The following DOCK8 variants were observed in gnomAD, a reference collection of about 807,000 sequenced individuals.
DOCK8 encodes the protein dedicator of cytokinesis 8.
Under a neutral mutation model 245.6 loss-of-function variants are expected in DOCK8, and 141 were observed. That is an observed-to-expected ratio of 0.57 (90% CI 0.50 to 0.66). DOCK8 has a LOEUF of 0.66. Among genes scored for constraint, DOCK8 ranks in the 30% least tolerant of loss-of-function variants. DOCK8 has a pLI of 0.00. For synonymous variants in DOCK8, 1,168 were observed against 970.2 expected (o/e 1.20, Z -3.79); for missense variants, 2,965 against 2,603.4 (o/e 1.14, Z -3.02).
At chr9:220,653 A>G in intron 1 of DOCK8, 1 of 337,210 alleles carries the variant, frequency 3.0e-6, no homozygotes, top group Non-Finnish European at 5.7e-6. Flanking sequence ...GGCCTATTTG[A>G]TAAAGGGTTA....
intron 14 of DOCK8, 51 bp downstream of exon 14, chr9:340,372 T>C (rs767094098): frequency 3.7e-5 from 60 of 1,608,950 alleles, no homozygotes; most frequent in Non-Finnish European, 5.0e-5. Flanking sequence ...CATAATCCCA[T>C]AACTTTGGGA....
At chr9:339,928 A>G (rs887432138) in intron 13 of DOCK8, among the ~76,000 whole-genome samples, 2 of 152,172 alleles carry the variant, frequency 1.3e-5, no homozygotes, top group Admixed American at 6.5e-5. Context: ...CCTCTAATCC[A>G]TTCCTTCTCA....
intron 14 of DOCK8, among the ~76,000 whole-genome samples, chr9:354,736 G>T (rs530213471): frequency 1.9e-4 from 29 of 152,272 alleles, no homozygotes; most frequent in African/African-American, 7.0e-4. Context: ...TAAGCCAGAG[G>T]CTTCCTTAAG....
rs2056254710 is a variant in DOCK8 at position 421,039 on chromosome 9, G to C, written c.4114G>C (p.Glu1372Gln). 1 of 1,614,226 alleles carries C rather than the reference G, an allele frequency of 6.2e-7. No homozygotes were observed. The highest frequency in any genetic ancestry group is 8.5e-7 in the Non-Finnish European group (1 of 1,180,034). Residue 1372 changes from glutamate to glutamine, a missense_variant, in exon 32 of 48, where the codon GAA becomes CAA. By Grantham distance (29) the Glu-to-Gln change is conservative (BLOSUM62 2). Coordinates refer to ENST00000432829, the MANE Select transcript of DOCK8 (RefSeq NM_203447.4). ...ARLEEALLRGEGARGEMMRRR... is the reference protein window; with the variant it reads ...ARLEEALLRGQGARGEMMRRR... ...GCTGGAAGAGGCTTTGCTCCGTGGGGAAGGGGCCAGAGGGGAGATGATGCG... is the reference window on the plus strand; with the variant it reads ...GCTGGAAGAGGCTTTGCTCCGTGGGCAAGGGGCCAGAGGGGAGATGATGCG...
intron 22 of DOCK8, among the ~76,000 whole-genome samples, chr9:384,418 T>G (rs2053859661): frequency 6.6e-6 from 1 of 152,162 alleles, no homozygotes. Context: ...CAGACACAGT[T>G]TCACCCTTAC....
intron 2 of DOCK8, among the ~76,000 whole-genome samples, chr9:284,044 T>A (rs941514744): frequency 3.3e-5 from 5 of 152,210 alleles, no homozygotes; most frequent in Non-Finnish European, 5.9e-5. Flanking sequence ...ATTACTTAAA[T>A]GGGTATAAAC....
intron 26 of DOCK8, 142 bp from the exon 27 acceptor site, chr9:404,776 T>C: frequency 1.2e-6 from 1 of 855,982 alleles, no homozygotes; most frequent in East Asian, 2.6e-5. Flanking sequence ...ATGCAGAATT[T>C]ACCATCTGTT....
At chr9:369,790 G>A (rs573558957) in intron 15 of DOCK8, 58 of 243,330 alleles carry the variant, frequency 2.4e-4, no homozygotes, top group Non-Finnish European at 4.4e-4. Flanking sequence ...GCTTGGGCCA[G>A]TTGTAGTCCC....
rs2055027443 is a variant in DOCK8 at position 400,959 on chromosome 9, C to CCACCTCCACCAT, written c.3234+1704_3234+1705insTCCACCATCACC. On this transcript the variant is annotated intron_variant, in intron 26 of 47. Transcript: ENST00000432829. The stretch of plus-strand genomic sequence containing the variant: ...TCCACCACCACCATCACCACCACCA[C>CCACCTCCACCAT]CACCACCTCCTCCACCATCACCACC... Among the ~76,000 whole-genome samples, 3 of 47,912 alleles carry CCACCTCCACCAT rather than the reference C, an allele frequency of 6.3e-5. 1 individual carries two copies. Among genetic ancestry groups the CCACCTCCACCAT allele is most frequent in the East Asian group, 4.3e-4 (1 of 2,308 alleles). The allele number at this position is 47,912 out of a possible 152,430, so 31.4% of individuals were successfully genotyped here.
At chr9:324,794 C>G in intron 7 of DOCK8, among the ~76,000 whole-genome samples, 1 of 152,182 alleles carries the variant, frequency 6.6e-6, no homozygotes. Context: ...AGCCCCATTC[C>G]TTAGAATTGA....
intron 2 of DOCK8, among the ~76,000 whole-genome samples, chr9:285,570 T>C (rs933104929): frequency 6.6e-6 from 1 of 152,196 alleles, no homozygotes; most frequent in Non-Finnish European, 1.5e-5. Flanking sequence ...ATCTAAGGGA[T>C]TCTTTTACTT....
Position 434,519 on chromosome 9 carries a change from A to G in DOCK8, c.4887-264A>G, listed in dbSNP as rs77632732. Among the ~76,000 whole-genome samples the G allele has an allele frequency of 9.5e-3, 1,447 of 152,198 alleles. 12 individuals carry two copies. The highest frequency in any genetic ancestry group is 0.021 in the South Asian group (99 of 4,814). On this transcript the variant is annotated intron_variant, in intron 38 of 47. Coordinates refer to ENST00000432829, the MANE Select transcript of DOCK8 (RefSeq NM_203447.4). ...TTGCCTGAGAGCCATTAAAATAGAC[A>G]TCATGTTATCAGGTATTTTTTCCCC...
At chr9:377,599 T>C (rs531496717) in intron 20 of DOCK8, among the ~76,000 whole-genome samples, 23 of 152,350 alleles carry the variant, frequency 1.5e-4, no homozygotes, top group African/African-American at 4.8e-4. Flanking sequence ...ACTCTCTACA[T>C]TGAAATGCAA....
At chr9:315,019 T>G (rs1369359478) in intron 6 of DOCK8, among the ~76,000 whole-genome samples, 1 of 152,180 alleles carries the variant, frequency 6.6e-6, no homozygotes, top group East Asian at 1.9e-4. Flanking sequence ...TAAGAAAGAT[T>G]CCACTGATAC....
chr9:425,506 T>G (rs973091160), intron 33 of DOCK8, among the ~76,000 whole-genome samples: 1 of 134,060 alleles, frequency 7.5e-6, no homozygotes, highest in Non-Finnish European at 1.5e-5. Flanking sequence ...CACTCTGCAC[T>G]CCAGCCTGGG....
intron 13 of DOCK8, among the ~76,000 whole-genome samples, chr9:339,857 A>C (rs2051495385): frequency 6.6e-6 from 1 of 152,202 alleles, no homozygotes; most frequent in Admixed American, 6.6e-5. Flanking sequence ...CTAGCAATGC[A>C]GGGAAGTTAC....
chr9:342,446 G>T (rs1489352540), intron 14 of DOCK8, among the ~76,000 whole-genome samples: 2 of 142,100 alleles, frequency 1.4e-5, no homozygotes, highest in Admixed American at 7.4e-5. Flanking sequence ...GTAAAGGTTT[G>T]TGGGTTTTTT....
chr9:289,783 A>G (rs184003257), intron 4 of DOCK8, among the ~76,000 whole-genome samples: 6 of 152,324 alleles, frequency 3.9e-5, no homozygotes, highest in Non-Finnish European at 8.8e-5. Context: ...TTAGTGTGGT[A>G]CATTTGTTAC....
chr9:336,685 C>G lies in DOCK8; in HGVS notation c.1389C>G (p.Thr463=). 1.9e-6 allele frequency: 3 copies of G among 1,614,074 alleles called. No homozygotes were observed. The highest frequency in any genetic ancestry group is 1.7e-6 in the Non-Finnish European group (2 of 1,179,986). ...ATGGGGTTGGATCCAACTTCAAAAC[C>G]TCCACTCTGAGCGTTAGCAGCTTTT... The part of the protein sequence containing the change: ...EENGVGSNFK[T]STLSVSSFFK... The change falls in exon 12 of 48, where the codon ACC becomes ACG. Residue 463 remains threonine, a synonymous_variant. Coordinates refer to ENST00000432829, the MANE Select transcript of DOCK8 (RefSeq NM_203447.4).
Sources: allele counts gnomAD v4.1 joint callset (sites outside exome capture counted in the v4.1 genomes callset), GRCh38; gene constraint gnomAD v4.1.1; transcripts MANE v1.5; gene names NCBI Gene and HGNC (gene_info 2026-07-23, HGNC 2026-07-21).